The following TBC1D19 variants were observed in gnomAD, a reference collection of about 807,000 sequenced individuals.
TBC1D19 encodes the protein TBC1 domain family member 19, also known as TBC1 domain family, member 19.
A neutral mutation model predicts 89.0 loss-of-function variants in TBC1D19; 60 were observed. That is an observed-to-expected ratio of 0.67 (90% CI 0.55 to 0.84). The LOEUF (loss-of-function observed/expected upper bound fraction) is 0.84. Among genes scored for constraint, TBC1D19 ranks in the 40% least tolerant of loss-of-function variants. The pLI, the probability that TBC1D19 is intolerant of heterozygous loss-of-function variation, is 0.00. For synonymous variants in TBC1D19, 189 were observed against 199.7 expected, an observed-to-expected ratio of 0.95 and a Z score of 0.45; for missense variants, 500 against 610.8, an observed-to-expected ratio of 0.82 and a Z score of 1.91.
chr4:26,754,859 A>AT lies in TBC1D19; in HGVS notation c.1507-8dup, dbSNP rs1182976254. ...CGCTTTGCTATTAATAATTCTTTTT[A>AT]TTTTTTGTTTCAGGCAGTTCTTGCT... On this transcript the variant is annotated splice_polypyrimidine_tract_variant and intron_variant, in intron 20 of 20. Coordinates refer to ENST00000264866, the MANE Select transcript of TBC1D19 (RefSeq NM_018317.4). 1.3e-5 allele frequency: 21 copies of AT among 1,575,928 alleles called. No homozygotes were observed. The highest frequency in any genetic ancestry group is 1.8e-5 in the Non-Finnish European group (21 of 1,167,550).
exon 1 of TBC1D19, chr4:26,576,792 A>G (rs1332969730): frequency 4.4e-6 from 2 of 456,134 alleles, no homozygotes; most frequent in Non-Finnish European, 8.8e-6. Context: ...AGACTCTGGG[A>G]TGAAGGTATG....
At chr4:26,601,131 C>CTA (rs35275566) in intron 1 of TBC1D19, among the ~76,000 whole-genome samples, 190 of 150,036 alleles carry the variant, frequency 1.3e-3, no homozygotes, top group African/African-American at 4.1e-3. Context: ...TTGTGTATGT[C>CTA]TATATATATA....
At chr4:26,782,905 A>G in the TBC1D19 span, among the ~76,000 whole-genome samples, 7 of 151,990 alleles carry the variant, frequency 4.6e-5, no homozygotes, top group Non-Finnish European at 7.4e-5. Flanking sequence ...TGAATTTTTT[A>G]TGATCAAACA....
intron 13 of TBC1D19, among the ~76,000 whole-genome samples, chr4:26,716,382 G>A (rs570382059): frequency 1.3e-5 from 2 of 152,172 alleles, no homozygotes; most frequent in South Asian, 4.1e-4. Context: ...TCAGGTAGAA[G>A]TAAATAAAGA....
At chr4:26,604,625 C>G (rs1195808921) in intron 1 of TBC1D19, among the ~76,000 whole-genome samples, 1 of 150,546 alleles carries the variant, frequency 6.6e-6, no homozygotes, top group Non-Finnish European at 1.5e-5. Context: ...AATCCCAGCA[C>G]TTTACTTTGG....
chr4:26,821,304 A>G, the TBC1D19 span, among the ~76,000 whole-genome samples: 23 of 152,342 alleles, frequency 1.5e-4, no homozygotes, highest in African/African-American at 5.3e-4. Context: ...GCAAGGAACA[A>G]CTCATTGAAT....
intron 1 of TBC1D19, among the ~76,000 whole-genome samples, chr4:26,611,557 G>GA (rs1396406231): frequency 6.6e-6 from 1 of 152,006 alleles, no homozygotes; most frequent in African/African-American, 2.4e-5. Flanking sequence ...TTCTTTCATT[G>GA]AAAACCACAT....
At chr4:26,772,190 G>T in the TBC1D19 span, among the ~76,000 whole-genome samples, 1 of 149,442 alleles carries the variant, frequency 6.7e-6, no homozygotes, top group African/African-American at 2.5e-5. Context: ...TTATTAAGGA[G>T]TCCGGCTCCT....
intron 13 of TBC1D19, among the ~76,000 whole-genome samples, chr4:26,706,901 A>C (rs920974686): frequency 7.3e-5 from 11 of 151,624 alleles, no homozygotes; most frequent in Admixed American, 7.2e-4. Context: ...ACTTTGTATC[A>C]TCTCTGTTTT....
downstream of TBC1D19, among the ~76,000 whole-genome samples, chr4:26,758,286 A>G (rs1719342246): frequency 6.6e-6 from 1 of 152,180 alleles, no homozygotes; most frequent in Non-Finnish European, 1.5e-5. Context: ...TGGAAGATGC[A>G]AGCAGAAATT....
chr4:26,786,452 G>T, the TBC1D19 span, among the ~76,000 whole-genome samples: 1 of 152,124 alleles, frequency 6.6e-6, no homozygotes, highest in East Asian at 1.9e-4. Context: ...GGCCAACACG[G>T]TGAAACCCCA....
chr4:26,734,936 GTA>G (rs1192694523), intron 15 of TBC1D19, among the ~76,000 whole-genome samples: 1 of 58,650 alleles, frequency 1.7e-5, no homozygotes, highest in Admixed American at 1.5e-4. Context: ...ATATATGTGT[GTA>G]TATATGTATA....
chr4:26,582,800 TA>T (rs940347912), upstream of TBC1D19, among the ~76,000 whole-genome samples: 8 of 152,210 alleles, frequency 5.3e-5, no homozygotes, highest in Admixed American at 1.3e-4. Flanking sequence ...CCAAATTATT[TA>T]GAATTTGTAC....
intron 7 of TBC1D19, among the ~76,000 whole-genome samples, chr4:26,651,993 C>T (rs1428915832): frequency 6.6e-6 from 1 of 151,974 alleles, no homozygotes; most frequent in Non-Finnish European, 1.5e-5. Context: ...GTCATTGGTT[C>T]TGTTTATATG....
the TBC1D19 span, among the ~76,000 whole-genome samples, chr4:26,805,441 C>A: frequency 6.6e-6 from 1 of 152,212 alleles, no homozygotes; most frequent in Non-Finnish European, 1.5e-5. Context: ...TCAAGGACCA[C>A]TGGGTGCCTA....
intron 4 of TBC1D19, among the ~76,000 whole-genome samples, chr4:26,626,157 TA>T (rs2110047191): frequency 6.6e-6 from 1 of 152,308 alleles, no homozygotes; most frequent in East Asian, 1.9e-4. Context: ...TGAGTTTTAA[TA>T]TTTTTTAATT....
In TBC1D19 at chr4:26,688,495, AT is replaced by A. The variant is rs1469348424; in HGVS notation, c.954+89del. On this transcript the variant is annotated intron_variant, in intron 13 of 20. Transcript: ENST00000264866. ...AGGAGATATCTCTGCTGTTGACTAA[AT>A]CTTTTTGTAATCCATGGCATGCTTG... 3.8e-6 allele frequency: 5 copies of A among 1,319,166 alleles called. No homozygotes were observed. In the African/African-American group the frequency reaches 7.7e-5, roughly 20 times the overall value. 81.7% of individuals were successfully genotyped at this position (1,319,166 alleles called of 1,614,324 possible). A position where few individuals can be genotyped will look rare whatever the true frequency, so the allele number is the denominator to read the frequency against.
the TBC1D19 span, among the ~76,000 whole-genome samples, chr4:26,764,783 A>AT: frequency 1.3e-5 from 2 of 152,162 alleles, no homozygotes; most frequent in African/African-American, 4.8e-5. Context: ...GGGTAAATGG[A>AT]TTAAAGGTTA....
chr4:26,725,111 C>T (rs1179234414), intron 15 of TBC1D19, among the ~76,000 whole-genome samples: 1 of 152,142 alleles, frequency 6.6e-6, no homozygotes, highest in African/African-American at 2.4e-5. Flanking sequence ...CCCCTGGTAC[C>T]AGCAATCTGC....
Sources: allele counts gnomAD v4.1 joint callset (sites outside exome capture counted in the v4.1 genomes callset), GRCh38; gene constraint gnomAD v4.1.1; transcripts MANE v1.5; gene names NCBI Gene and HGNC (gene_info 2026-07-23, HGNC 2026-07-21).